NCOR1: variants seen among roughly 807,000 people sequenced by gnomAD.
The protein encoded by NCOR1 is protein phosphatase 1, regulatory subunit 109.
Under a neutral mutation model 288.1 loss-of-function variants are expected in NCOR1, and 63 were observed. The observed-to-expected ratio is 0.22, with a 90% CI of 0.18 to 0.27. The LOEUF (loss-of-function observed/expected upper bound fraction) is 0.27. Ranked by LOEUF, NCOR1 falls within the 10% of genes least tolerant of loss-of-function variation. The probability of loss-of-function intolerance (pLI) is 1.00; values close to 1 mark genes in which losing one functional copy is unlikely to be tolerated. For missense variants in NCOR1, 2,397 were observed against 3,019.2 expected, an observed-to-expected ratio of 0.79 and a Z score of 4.83; for synonymous variants, 1,007 against 1,065.9, an observed-to-expected ratio of 0.94 and a Z score of 1.08.
intron 14 of NCOR1, among the ~76,000 whole-genome samples, chr17:16,135,478 C>T (rs1345483543): frequency 1.3e-5 from 2 of 152,062 alleles, no homozygotes; most frequent in South Asian, 2.1e-4. Flanking sequence ...TTAGCCCTAC[C>T]GACCCATTTC....
At chr17:16,185,008 C>CAAAAAAAAAAAAAAA (rs34725978) in intron 3 of NCOR1, among the ~76,000 whole-genome samples, 1 of 97,366 alleles carries the variant, frequency 1.0e-5, no homozygotes, top group African/African-American at 4.1e-5. Flanking sequence ...GAATCTTAAA[C>CAAAAAAAAAAAAAAA]AAAAAAAAAA....
At chr17:16,078,445 T>A (rs1380308046) in intron 26 of NCOR1, among the ~76,000 whole-genome samples, 2 of 152,246 alleles carry the variant, frequency 1.3e-5, no homozygotes, top group Non-Finnish European at 2.9e-5. Context: ...CAGTTCATAC[T>A]CTTTCTTCCC....
intron 25 of NCOR1, 97 bp downstream of exon 25, chr17:16,080,311 A>T: frequency 9.5e-7 from 1 of 1,055,210 alleles, no homozygotes; most frequent in Non-Finnish European, 1.3e-6. Context: ...TAAAGACTAT[A>T]GTTAAAAAAG....
intron 41 of NCOR1, among the ~76,000 whole-genome samples, chr17:16,048,475 G>C (rs1272552101): frequency 6.6e-6 from 1 of 152,086 alleles, no homozygotes; most frequent in African/African-American, 2.4e-5. Flanking sequence ...GTCACGGTTA[G>C]AAATAGGTAA....
intron 19 of NCOR1, 109 bp from the exon 20 acceptor site, chr17:16,101,866 A>C (rs1026908167): frequency 7.2e-7 from 1 of 1,381,350 alleles, no homozygotes; most frequent in African/African-American, 1.4e-5. Flanking sequence ...TGGTGATAGA[A>C]ACCATGTTTG....
chr17:16,091,933 C>T lies in NCOR1; in HGVS notation c.2946G>A (p.Gln982=), dbSNP rs749882954. The change falls in exon 22 of 46, where the codon CAG becomes CAA. Residue 982 remains glutamine (Q), a synonymous_variant. Coordinates refer to ENST00000268712, the MANE Select transcript of NCOR1 (RefSeq NM_006311.4). ...LLEEQRQRQE[Q]IDLECRSSTS... ...TAGAACTTCTACATTCCAAATCTAT[C>T]TGTTCTTGTCTCTGCCGCTGCTCCT... The T allele has an allele frequency of 1.2e-6, 2 of 1,614,204 alleles. No homozygotes were observed. Among genetic ancestry groups the T allele is most frequent in the South Asian group, 1.1e-5 (1 of 91,082 alleles).
intron 23 of NCOR1, chr17:16,084,477 T>A (rs1382301749): frequency 6.6e-6 from 1 of 152,424 alleles, no homozygotes; most frequent in East Asian, 1.9e-4. Flanking sequence ...GCTGATTATA[T>A]AATTTATATG....
At chr17:16,121,356 G>T in intron 15 of NCOR1, 87 bp from the exon 16 acceptor site, 1 of 1,077,100 alleles carries the variant, frequency 9.3e-7, no homozygotes, top group Non-Finnish European at 1.3e-6. Flanking sequence ...TATCTAAATA[G>T]AAATTGAATA....
intron 4 of NCOR1, among the ~76,000 whole-genome samples, chr17:16,169,303 ATAAAAT>A (rs891795876): frequency 1.3e-5 from 2 of 152,208 alleles, no homozygotes; most frequent in Non-Finnish European, 2.9e-5. Context: ...ATAAAATTAA[ATAAAAT>A]TAAAATTAAA....
chr17:16,161,458 C>T (rs2080855524), intron 5 of NCOR1, among the ~76,000 whole-genome samples: 1 of 152,080 alleles, frequency 6.6e-6, no homozygotes, highest in African/African-American at 2.4e-5. Flanking sequence ...CCACACTCAG[C>T]TAATTTTTTG....
intron 22 of NCOR1, among the ~76,000 whole-genome samples, chr17:16,090,773 T>C (rs2065039414): frequency 2.0e-5 from 3 of 152,230 alleles, no homozygotes; most frequent in African/African-American, 2.4e-5. Context: ...AGGCAACTAA[T>C]AACTCAATAT....
intron 40 of NCOR1, among the ~76,000 whole-genome samples, chr17:16,052,455 A>T (rs1449292853): frequency 1.3e-5 from 2 of 152,210 alleles, no homozygotes; most frequent in African/African-American, 4.8e-5. Flanking sequence ...AAACAATCAT[A>T]AGAAAATATT....
chr17:16,163,646 A>G (rs1305013978), intron 5 of NCOR1, among the ~76,000 whole-genome samples: 3 of 152,170 alleles, frequency 2.0e-5, no homozygotes, highest in Non-Finnish European at 4.4e-5. Context: ...CCATATGCCC[A>G]CTCCTAGATA....
chr17:16,186,474 A>G lies in NCOR1; in HGVS notation c.242+80T>C, dbSNP rs558061467. 7 of 1,456,518 alleles carry G rather than the reference A, an allele frequency of 4.8e-6. No homozygotes were observed. The South Asian group carries it at 8.3e-5, about 17-fold the overall frequency. 90.2% of individuals were successfully genotyped at this position (1,456,518 alleles called of 1,614,324 possible). ...ACCAGTCATGGCTTGGTTAATAAAA[A>G]GTAAAAAAATAAAATAATGACAAAC... is the stretch of plus-strand genomic sequence containing the variant. On this transcript the variant is annotated intron_variant, in intron 3 of 45. Coordinates refer to ENST00000268712, the MANE Select transcript of NCOR1 (RefSeq NM_006311.4).
At chr17:16,040,847 C>T (rs996675156) in intron 42 of NCOR1, 1 of 250,802 alleles carries the variant, frequency 4.0e-6, no homozygotes, top group African/African-American at 2.3e-5. Flanking sequence ...CTGGGCAACA[C>T]AGTGAGACTC....
Position 16,206,873 on chromosome 17 carries a change from A to AG in NCOR1, c.-71+8488dup, listed in dbSNP as rs201357482. Among the ~76,000 whole-genome samples, 970 of 152,344 alleles carry AG rather than the reference A, an allele frequency of 6.4e-3. 18 individuals carry two copies. Among genetic ancestry groups the AG allele is most frequent in the African/African-American group, 0.022 (902 of 41,584 alleles). Reference sequence around the variant, plus strand: ...TGGAAGAATATGCAACAAACTCAGTAGATTACATCCAAGAAGTGGTTCTTT... The same window carrying AG: ...TGGAAGAATATGCAACAAACTCAGTAGGATTACATCCAAGAAGTGGTTCTTT... On this transcript the variant is annotated intron_variant, in intron 1 of 45. Coordinates refer to ENST00000268712, the MANE Select transcript of NCOR1 (RefSeq NM_006311.4).
At chr17:16,054,904 C>T (rs1240285355) in intron 40 of NCOR1, among the ~76,000 whole-genome samples, 1 of 152,116 alleles carries the variant, frequency 6.6e-6, no homozygotes, top group Non-Finnish European at 1.5e-5. Context: ...TGCACTCTAG[C>T]CTGGGCAACA....
chr17:16,049,063 C>G lies in NCOR1; in HGVS notation c.6393-75G>C, dbSNP rs924154597. On this transcript the variant is annotated intron_variant, in intron 40 of 45. Transcript: ENST00000268712. ...ACTTACCTAAACAGAAACTTGTTAA[C>G]TCATGACTTCATTCAGGAGAAGGAG... The G allele has an allele frequency of 4.3e-6, 6 of 1,408,718 alleles. No homozygotes were observed. The African/African-American group carries it at 8.7e-5, about 20-fold the overall frequency. The allele number at this position is 1,408,718 out of a possible 1,614,324, so 87.3% of individuals were successfully genotyped here.
At chr17:16,175,193 C>A (rs185477146) in intron 3 of NCOR1, among the ~76,000 whole-genome samples, 1 of 152,044 alleles carries the variant, frequency 6.6e-6, no homozygotes, top group African/African-American at 2.4e-5. Context: ...AAGGTGAAAG[C>A]CCGTCTCTAC....
Sources: gnomAD v4.1 joint callset for allele counts (sites outside exome capture counted in the v4.1 genomes callset) on GRCh38, gnomAD v4.1.1 for gene constraint, MANE v1.5 for transcripts, NCBI Gene and HGNC (gene_info 2026-07-23, HGNC 2026-07-21) for gene names.